The following DCUN1D2 variants were observed in gnomAD, a reference collection of about 807,000 sequenced individuals.
The protein encoded by DCUN1D2 is DCN1-like protein 2.
A neutral mutation model predicts 30.9 loss-of-function variants in DCUN1D2; 29 were observed. The ratio of observed to expected loss-of-function variants is 0.94; its 90% confidence interval spans 0.70 to 1.28. The LOEUF is 1.28. DCUN1D2 is among the 50% of genes most tolerant of loss of function. DCUN1D2 has a pLI of 0.00. For missense variants in DCUN1D2, 325 were observed against 316.9 expected (o/e 1.03, Z -0.19); for synonymous variants, 121 against 115.3 (o/e 1.05, Z -0.32).
Position 113,457,486 on chromosome 13 carries a change from T to C in DCUN1D2, c.*543A>G, listed in dbSNP as rs116984176. 3,793 of 152,374 alleles carry C rather than the reference T, an allele frequency of 0.025. 101 individuals are homozygous for C. The highest frequency in any genetic ancestry group is 0.12 in the East Asian group (609 of 5,182). The allele number at this position is 152,374 out of a possible 1,614,324, so 9.4% of individuals were successfully genotyped here. A position where few individuals can be genotyped will look rare whatever the true frequency, so the allele number is the denominator to read the frequency against. On this transcript the variant is annotated 3_prime_UTR_variant, in exon 7 of 7. Transcript: ENST00000478244. Reference sequence around the variant, plus strand: ...AATAGAGCTGGTAAATCTAGATATTTGGTAATTCAAAAAATATAAATCGTG... The same window carrying C: ...AATAGAGCTGGTAAATCTAGATATTCGGTAATTCAAAAAATATAAATCGTG...
intron 3 of DCUN1D2, chr13:113,479,077 CTG>C (rs1302357251): frequency 3.9e-5 from 6 of 152,136 alleles, no homozygotes; most frequent in Non-Finnish European, 8.8e-5. Flanking sequence ...CCAGGCTGTT[CTG>C]TGTTTTCTTT....
At chr13:113,469,975 C>T (rs932568473) in intron 4 of DCUN1D2, among the ~76,000 whole-genome samples, 1 of 152,012 alleles carries the variant, frequency 6.6e-6, no homozygotes, top group African/African-American at 2.4e-5. Flanking sequence ...AAATCACACT[C>T]AAGAATTAGA....
chr13:113,459,540 A>C, intron 5 of DCUN1D2, 132 bp from the exon 6 acceptor site: 1 of 553,680 alleles, frequency 1.8e-6, no homozygotes, highest in South Asian at 2.6e-5. Flanking sequence ...TAAAATTGTT[A>C]AAAGTAATAG....
In DCUN1D2 at chr13:113,487,513, G is replaced by A. The variant is rs191368528; in HGVS notation, c.3+3154C>T. On this transcript the variant is annotated intron_variant, in intron 1 of 6. Transcript: ENST00000478244. ...CAGCGCACGACTCCAGCTGCACAGT[G>A]TACGACTCCAGCCACAGTGCACGAG... 7.2e-5 allele frequency among the ~76,000 whole-genome samples: 11 copies of A among 152,302 alleles called. No homozygotes were observed. The South Asian group carries it at 1.5e-3, about 20-fold the overall frequency.
Position 113,476,460 on chromosome 13 carries a change from G to A in DCUN1D2, c.390-2206C>T, listed in dbSNP as rs1362884562. 3.3e-5 allele frequency among the ~76,000 whole-genome samples: 5 copies of A among 152,254 alleles called. No individual in the cohort carries two copies. In the East Asian group the frequency reaches 7.7e-4, roughly 23 times the overall value. On this transcript the variant is annotated intron_variant, in intron 3 of 6. Coordinates refer to ENST00000478244, the MANE Select transcript of DCUN1D2 (RefSeq NM_001014283.2). ...ATCTTATACCTTAACTGGCCCTTGTGCATCCTCTTTTGTGAAGTGCTTGTC... is the reference window on the plus strand; with the variant it reads ...ATCTTATACCTTAACTGGCCCTTGTACATCCTCTTTTGTGAAGTGCTTGTC...
At chr13:113,470,886 AGACCCAACTCCACAGGG>A (rs1236350468) in intron 4 of DCUN1D2, among the ~76,000 whole-genome samples, 58 of 131,988 alleles carry the variant, frequency 4.4e-4, no homozygotes, top group Admixed American at 1.1e-3. Flanking sequence ...GCTCCAAAGA[AGACCCAACTCCACAGGG>A]GACCCAACTC....
In DCUN1D2 at chr13:113,488,116, G is replaced by A. The variant is rs1002831259; in HGVS notation, c.3+2551C>T. On this transcript the variant is annotated intron_variant, in intron 1 of 6. Transcript: ENST00000478244. The surrounding 1 kb of genome is among the most constrained non-coding windows in gnomAD (Gnocchi z 4.3). ...GAACTCTAGAAGAACAGATGCAGGA[G>A]CACATGGATCCAGGCCACTCAAAAT... 5.9e-5 allele frequency among the ~76,000 whole-genome samples: 9 copies of A among 152,220 alleles called. No individual in the cohort carries two copies. The highest frequency in any genetic ancestry group is 1.3e-4 in the Non-Finnish European group (9 of 68,026).
intron 5 of DCUN1D2, among the ~76,000 whole-genome samples, chr13:113,459,726 C>T (rs2044288080): frequency 6.6e-6 from 1 of 152,182 alleles, no homozygotes; most frequent in Non-Finnish European, 1.5e-5. Context: ...TATATATTCA[C>T]GAACAGCTCA....
chr13:113,490,776 C>T (rs932534491), upstream of DCUN1D2: 8 of 1,066,644 alleles, frequency 7.5e-6, no homozygotes, highest in Non-Finnish European at 9.2e-6. This position sits in a 1 kb window ranked among gnomAD's most constrained non-coding sequence, Gnocchi z 5.2. Context: ...CGGGGCAGTG[C>T]CGGGAGCCGG....
chr13:113,458,938 T>A (rs534026061), intron 6 of DCUN1D2, among the ~76,000 whole-genome samples: 1 of 152,296 alleles, frequency 6.6e-6, no homozygotes, highest in South Asian at 2.1e-4. Flanking sequence ...GATATATTTA[T>A]GCAAGAAGAC....
At chr13:113,469,513 C>A (rs2139697530) in intron 4 of DCUN1D2, among the ~76,000 whole-genome samples, 1 of 151,684 alleles carries the variant, frequency 6.6e-6, no homozygotes, top group East Asian at 2.0e-4. Context: ...AACTCCGTCC[C>A]TCCAAAAAAA....
intron 4 of DCUN1D2, among the ~76,000 whole-genome samples, chr13:113,472,190 A>G (rs2044530730): frequency 6.6e-6 from 1 of 152,192 alleles, no homozygotes; most frequent in East Asian, 1.9e-4. Flanking sequence ...CGTGAGAACC[A>G]GAGCAGGAGA....
chr13:113,463,385 C>G (rs968702409), intron 4 of DCUN1D2, among the ~76,000 whole-genome samples: 3 of 152,066 alleles, frequency 2.0e-5, no homozygotes, highest in African/African-American at 7.2e-5. Context: ...ACTTCACTTC[C>G]TCAAACATCA....
In DCUN1D2 at chr13:113,488,687, C is replaced by T. The variant is rs553327942; in HGVS notation, c.3+1980G>A. 3.3e-5 allele frequency among the ~76,000 whole-genome samples: 5 copies of T among 152,302 alleles called. No individual in the cohort carries two copies. Among genetic ancestry groups the T allele is most frequent in the Non-Finnish European group, 7.4e-5 (5 of 68,014 alleles). On this transcript the variant is annotated intron_variant, in intron 1 of 6. Coordinates refer to ENST00000478244, the MANE Select transcript of DCUN1D2 (RefSeq NM_001014283.2). The surrounding 1 kb of genome is among the most constrained non-coding windows in gnomAD (Gnocchi z 4.3). ...CAGGTCAAATTAACAAAGGCCCAGA[C>T]GTTGGCAAGAAGCTTCGAGTGCACC...
At chr13:113,480,003 A>T (rs1028539700) in intron 3 of DCUN1D2, among the ~76,000 whole-genome samples, 1 of 152,214 alleles carries the variant, frequency 6.6e-6, no homozygotes, top group Non-Finnish European at 1.5e-5. Context: ...TAAGCGGTCC[A>T]CTGTTGACCG....
In DCUN1D2 at chr13:113,488,506, A is replaced by C. The variant is rs926622473; in HGVS notation, c.3+2161T>G. On this transcript the variant is annotated intron_variant, in intron 1 of 6. Coordinates refer to ENST00000478244, the MANE Select transcript of DCUN1D2 (RefSeq NM_001014283.2). This position sits in a 1 kb window ranked among gnomAD's most constrained non-coding sequence, Gnocchi z 4.3. ...ACCTCTTGTGAAAAAGGGAACTGGCATAAAGCTTCTTAGGAAACAAAAAGG... is the reference window on the plus strand; with the variant it reads ...ACCTCTTGTGAAAAAGGGAACTGGCCTAAAGCTTCTTAGGAAACAAAAAGG... 7.9e-5 allele frequency among the ~76,000 whole-genome samples: 12 copies of C among 152,266 alleles called. No homozygotes were observed. Among genetic ancestry groups the C allele is most frequent in the African/African-American group, 2.7e-4 (11 of 41,480 alleles).
rs2044850046 is a variant in DCUN1D2 at position 113,488,679 on chromosome 13, G to C, written c.3+1988C>G. Among the ~76,000 whole-genome samples, 1 of 152,164 alleles carries C rather than the reference G, an allele frequency of 6.6e-6. No homozygotes were observed. Among genetic ancestry groups the C allele is most frequent in the African/African-American group, 2.4e-5 (1 of 41,422 alleles). On this transcript the variant is annotated intron_variant, in intron 1 of 6. Coordinates refer to ENST00000478244, the MANE Select transcript of DCUN1D2 (RefSeq NM_001014283.2). This position sits in a 1 kb window ranked among gnomAD's most constrained non-coding sequence, Gnocchi z 4.3. The stretch of plus-strand genomic sequence containing the variant: ...ACTGAACCCAGGTCAAATTAACAAA[G>C]GCCCAGACGTTGGCAAGAAGCTTCG...
chr13:113,465,988 C>T (rs113169679), intron 4 of DCUN1D2, among the ~76,000 whole-genome samples: 7 of 151,720 alleles, frequency 4.6e-5, no homozygotes, highest in African/African-American at 1.2e-4. Flanking sequence ...TGGGTTCAAG[C>T]GATTCTTGTG....
intron 1 of DCUN1D2, 72 bp from the exon 2 acceptor site, chr13:113,484,128 T>C: frequency 6.3e-7 from 1 of 1,593,310 alleles, no homozygotes. Context: ...GCCTAACGCC[T>C]GCACTTTAAC....
Sources: gnomAD v4.1 joint callset for allele counts (sites outside exome capture counted in the v4.1 genomes callset) on GRCh38, gnomAD v4.1.1 for gene constraint, Gnocchi (gnomAD v3.1) non-coding constraint, MANE v1.5 for transcripts, NCBI Gene and HGNC (gene_info 2026-07-23, HGNC 2026-07-21) for gene names.